The following SGMS1 variants were observed in gnomAD, a reference collection of about 807,000 sequenced individuals.
SGMS1 encodes the protein phosphatidylcholine:ceramide cholinephosphotransferase 1.
In SGMS1, 13 loss-of-function variants were observed where a neutral mutation model predicts 46.2. The observed-to-expected ratio is 0.28, with a 90% CI of 0.18 to 0.45. The LOEUF is 0.45. Ranked by LOEUF, SGMS1 falls within the 20% of genes least tolerant of loss-of-function variation. SGMS1 has a pLI of 1.00. For synonymous variants in SGMS1, 203 were observed against 187.8 expected (o/e 1.08, Z -0.66); for missense variants, 324 against 519.9 (o/e 0.62, Z 3.66).
intron 5 of SGMS1, among the ~76,000 whole-genome samples, chr10:50,435,921 C>T (rs537319417): frequency 2.6e-5 from 4 of 152,304 alleles, no homozygotes; most frequent in Middle Eastern, 3.4e-3. Flanking sequence ...AATAAGTACT[C>T]GTCTTTTACC....
intron 6 of SGMS1, among the ~76,000 whole-genome samples, chr10:50,376,623 C>G (rs1394307162): frequency 1.3e-5 from 2 of 152,170 alleles, no homozygotes; most frequent in Non-Finnish European, 2.9e-5. Flanking sequence ...TGATGTTCCC[C>G]TTCCTGTGTT....
At chr10:50,495,330 C>T (rs1837606172) in intron 3 of SGMS1, among the ~76,000 whole-genome samples, 1 of 148,862 alleles carries the variant, frequency 6.7e-6, no homozygotes, top group Admixed American at 6.7e-5. Context: ...TTAAACTGTA[C>T]TTCTCTGAAA....
intron 7 of SGMS1, chr10:50,335,121 A>C (rs1406245397): frequency 6.6e-6 from 1 of 152,264 alleles, no homozygotes; most frequent in Non-Finnish European, 1.5e-5. Flanking sequence ...AGGAAGCAAG[A>C]CCAGGTAATA....
At chr10:50,341,565 A>G (rs568464500) in intron 7 of SGMS1, 36 of 395,136 alleles carry the variant, frequency 9.1e-5, no homozygotes, top group African/African-American at 6.6e-4. Flanking sequence ...ATGTAGTTGT[A>G]TATATATATG....
At chr10:50,592,259 G>T (rs1403502120) in intron 1 of SGMS1, among the ~76,000 whole-genome samples, 3 of 152,190 alleles carry the variant, frequency 2.0e-5, no homozygotes, top group Non-Finnish European at 4.4e-5. Flanking sequence ...GTGAGGGAAG[G>T]TTAAGTAAAT....
At chr10:50,406,693 T>C (rs1849020355) in intron 6 of SGMS1, among the ~76,000 whole-genome samples, 1 of 131,470 alleles carries the variant, frequency 7.6e-6, no homozygotes, top group Non-Finnish European at 1.6e-5. Flanking sequence ...TCCTTTGTTA[T>C]AGCTATAATT....
chr10:50,606,980 T>G (rs1797582886), intron 1 of SGMS1, among the ~76,000 whole-genome samples: 1 of 138,570 alleles, frequency 7.2e-6, no homozygotes, highest in Non-Finnish European at 1.6e-5. Context: ...AGCATTGTAC[T>G]TTTTTTTTTT....
At chr10:50,410,424 C>A (rs1849079863) in intron 6 of SGMS1, among the ~76,000 whole-genome samples, 1 of 152,156 alleles carries the variant, frequency 6.6e-6, no homozygotes, top group Non-Finnish European at 1.5e-5. Context: ...TTCATACTGA[C>A]CACACTTGTG....
chr10:50,562,491 C>T (rs1055044652), intron 2 of SGMS1, among the ~76,000 whole-genome samples: 5 of 152,214 alleles, frequency 3.3e-5, no homozygotes, highest in African/African-American at 1.2e-4. Context: ...AACACTATTG[C>T]AGATGCTGTA....
At chr10:50,518,165 G>A (rs947266618) in intron 3 of SGMS1, among the ~76,000 whole-genome samples, 1 of 152,202 alleles carries the variant, frequency 6.6e-6, no homozygotes, top group Non-Finnish European at 1.5e-5. Context: ...TCTATGTACA[G>A]AAGGAGGGAG....
Position 50,354,778 on chromosome 10 carries a change from G to A in SGMS1, c.-231-10433C>T, listed in dbSNP as rs185024830. 5.6e-3 allele frequency among the ~76,000 whole-genome samples: 852 copies of A among 152,232 alleles called. 10 individuals are homozygous for A. The highest frequency in any genetic ancestry group is 0.019 in the African/African-American group (797 of 41,524). On this transcript the variant is annotated intron_variant, in intron 6 of 10. Transcript: ENST00000361781. ...CAAACAACCCCATCAAAAAGTGAGCGAAGGATATGAACAGACACTTCTCAA... is the reference window on the plus strand; with the variant it reads ...CAAACAACCCCATCAAAAAGTGAGCAAAGGATATGAACAGACACTTCTCAA...
intron 2 of SGMS1, among the ~76,000 whole-genome samples, chr10:50,530,676 G>A (rs1837944905): frequency 6.6e-6 from 1 of 151,850 alleles, no homozygotes; most frequent in Admixed American, 6.6e-5. Context: ...GTGCTGACAG[G>A]GTCTTGCTGT....
chr10:50,439,612 A>G (rs1290227655), intron 5 of SGMS1, among the ~76,000 whole-genome samples: 1 of 152,218 alleles, frequency 6.6e-6, no homozygotes, highest in Non-Finnish European at 1.5e-5. Context: ...CTAACATTTC[A>G]TGACACTATA....
At chr10:50,497,457 G>T (rs1395494470) in intron 3 of SGMS1, among the ~76,000 whole-genome samples, 1 of 152,192 alleles carries the variant, frequency 6.6e-6, no homozygotes, top group Non-Finnish European at 1.5e-5. Flanking sequence ...AACAGAACCA[G>T]TGAGATTATG....
chr10:50,318,812 T>A (rs1222663535), intron 8 of SGMS1, among the ~76,000 whole-genome samples: 1 of 152,190 alleles, frequency 6.6e-6, no homozygotes, highest in Non-Finnish European at 1.5e-5. Flanking sequence ...CATTTCTCCA[T>A]TCTCAAATGT....
rs1847249262 is a variant in SGMS1, at chr10:50,311,389, C to T, written c.768G>A (p.Leu256=). The T allele has an allele frequency of 6.2e-7, 1 of 1,613,738 alleles. No individual in the cohort carries two copies. The highest frequency in any genetic ancestry group is 1.3e-5 in the African/African-American group (1 of 74,886). Residue 256 remains leucine (L), a synonymous_variant, in exon 9 of 11, where the codon CTG becomes CTA. Transcript: ENST00000361781. The part of the protein sequence containing the change: ...PKLFGDWEAQ[L]RRIMKLIAGG... ...CAGCAATGAGCTTCATTATTCTTCG[C>T]AGTTGGGCTTCCCAGTCTCCGAAAA...
intron 7 of SGMS1, among the ~76,000 whole-genome samples, chr10:50,338,053 T>A (rs537689849): frequency 9.2e-5 from 14 of 152,262 alleles, no homozygotes; most frequent in African/African-American, 3.4e-4. Context: ...GTTCTAAAAC[T>A]TGATGCCATG....
intron 4 of SGMS1, among the ~76,000 whole-genome samples, chr10:50,461,052 T>A (rs1461843513): frequency 2.6e-5 from 4 of 152,170 alleles, no homozygotes; most frequent in Admixed American, 6.5e-5. Flanking sequence ...ACATATAATA[T>A]AAAGCTTACT....
At chr10:50,576,302 G>A (rs991679709) in intron 2 of SGMS1, among the ~76,000 whole-genome samples, 1 of 152,162 alleles carries the variant, frequency 6.6e-6, no homozygotes, top group Admixed American at 6.5e-5. Context: ...TGTCATAACT[G>A]TGACCTCCAC....
Sources: allele counts gnomAD v4.1 joint callset (sites outside exome capture counted in the v4.1 genomes callset), GRCh38; gene constraint gnomAD v4.1.1; transcripts MANE v1.5; gene names NCBI Gene and HGNC (gene_info 2026-07-23, HGNC 2026-07-21).